The following CDK19 variants were observed in gnomAD, a reference collection of about 807,000 sequenced individuals.
The protein encoded by CDK19 is cyclin dependent kinase 19.
Under a neutral mutation model 68.3 loss-of-function variants are expected in CDK19, and 20 were observed. That is an observed-to-expected ratio of 0.29 (90% CI 0.21 to 0.43). CDK19 has a LOEUF of 0.43. Among genes scored for constraint, CDK19 ranks in the 20% least tolerant of loss-of-function variants. The pLI is 1.00. For missense variants in CDK19, 339 were observed against 623.5 expected, an observed-to-expected ratio of 0.54 and a Z score of 4.86; for synonymous variants, 221 against 222.8, an observed-to-expected ratio of 0.99 and a Z score of 0.07.
chr6:110,814,683 G>A (rs940148030), intron 1 of CDK19: 4 of 543,552 alleles, frequency 7.4e-6, no homozygotes, highest in African/African-American at 3.8e-5. Context: ...GTTCCCCCAA[G>A]AGACTAGACC....
intron 2 of CDK19, among the ~76,000 whole-genome samples, chr6:110,742,338 C>T (rs555732935): frequency 1.3e-5 from 2 of 152,126 alleles, no homozygotes; most frequent in Non-Finnish European, 2.9e-5. Context: ...CTCTTAATCC[C>T]GTTATCTTCG....
intron 1 of CDK19, among the ~76,000 whole-genome samples, chr6:110,747,608 T>C (rs1430128504): frequency 6.6e-6 from 1 of 152,154 alleles, no homozygotes; most frequent in Non-Finnish European, 1.5e-5. Context: ...ATATAGGAAG[T>C]TATGTCAACT....
intron 2 of CDK19, among the ~76,000 whole-genome samples, chr6:110,686,986 C>T (rs1339879412): frequency 6.6e-6 from 1 of 152,100 alleles, no homozygotes; most frequent in Non-Finnish European, 1.5e-5. Context: ...ATTGCTTGAG[C>T]CCAGGCATTC....
At chr6:110,684,729 T>G (rs1772311143) in intron 2 of CDK19, among the ~76,000 whole-genome samples, 1 of 152,196 alleles carries the variant, frequency 6.6e-6, no homozygotes, top group Non-Finnish European at 1.5e-5. Flanking sequence ...AATATCCCAC[T>G]GTAACTCAAA....
intron 4 of CDK19, among the ~76,000 whole-genome samples, chr6:110,656,405 T>C (rs544676642): frequency 3.9e-5 from 6 of 152,360 alleles, no homozygotes; most frequent in Admixed American, 3.3e-4. Context: ...ATTAGTGTCA[T>C]AACTTTAGGT....
In CDK19 at chr6:110,796,758, C is replaced by T. The variant is rs551724286; in HGVS notation, c.128+18251G>A. Reference sequence around the variant, plus strand: ...GCACGGTGACTCACGCCTGTAATCCCAGCACTTTGGGAGGCCAAGGTGGAT... The same window carrying T: ...GCACGGTGACTCACGCCTGTAATCCTAGCACTTTGGGAGGCCAAGGTGGAT... On this transcript the variant is annotated intron_variant, in intron 1 of 12. Transcript: ENST00000368911. Among the ~76,000 whole-genome samples the T allele has an allele frequency of 2.6e-5, 4 of 151,364 alleles. No homozygotes were observed. The East Asian group carries it at 7.8e-4, about 30-fold the overall frequency.
chr6:110,623,929 ATATATATATATGTG>A (rs1778923344), intron 8 of CDK19, among the ~76,000 whole-genome samples: 4 of 142,678 alleles, frequency 2.8e-5, no homozygotes, highest in Admixed American at 6.9e-5. Flanking sequence ...ATATACGTGT[ATATATATATATGTG>A]TGTATATATA....
intron 2 of CDK19, among the ~76,000 whole-genome samples, chr6:110,743,709 T>G (rs777680206): frequency 4.6e-5 from 7 of 152,094 alleles, no homozygotes; most frequent in Admixed American, 2.6e-4. Context: ...ACATTCCAAA[T>G]TTATATAAAG....
chr6:110,810,394 T>C (rs1782995098), intron 1 of CDK19, among the ~76,000 whole-genome samples: 1 of 152,160 alleles, frequency 6.6e-6, no homozygotes, highest in Non-Finnish European at 1.5e-5. Context: ...GATCTTGGAC[T>C]ATAGTGAGAG....
intron 1 of CDK19, among the ~76,000 whole-genome samples, chr6:110,771,581 C>T (rs1780017510): frequency 1.3e-5 from 2 of 152,192 alleles, no homozygotes; most frequent in Non-Finnish European, 2.9e-5. Flanking sequence ...ACACTTTCCC[C>T]ATTGTCTTGG....
intron 2 of CDK19, among the ~76,000 whole-genome samples, chr6:110,714,659 C>G (rs983280414): frequency 6.6e-5 from 10 of 150,554 alleles, no homozygotes; most frequent in Admixed American, 2.0e-4. Context: ...TAATTAATGA[C>G]GTTGAGCATC....
intron 1 of CDK19, among the ~76,000 whole-genome samples, chr6:110,806,612 A>G (rs71562248): frequency 6.6e-6 from 1 of 152,218 alleles, no homozygotes; most frequent in Non-Finnish European, 1.5e-5. Context: ...ACAATGAGAT[A>G]CAACAAAACT....
intron 1 of CDK19, among the ~76,000 whole-genome samples, chr6:110,780,289 C>CT (rs1780710848): frequency 6.7e-6 from 1 of 149,884 alleles, no homozygotes. Flanking sequence ...GCTCGGGAGA[C>CT]TGAGGCAGAA....
Position 110,815,232 on chromosome 6 carries a change from A to C in CDK19, c.-96T>G, listed in dbSNP as rs563841200. 217 of 1,120,542 alleles carry C rather than the reference A, an allele frequency of 1.9e-4. No homozygotes were observed. The highest frequency in any genetic ancestry group is 6.2e-4 in the East Asian group (15 of 24,250). The allele number at this position is 1,120,542 out of a possible 1,614,324, so 69.4% of individuals were successfully genotyped here. A position where few individuals can be genotyped will look rare whatever the true frequency, so the allele number is the denominator to read the frequency against. The stretch of plus-strand genomic sequence containing the variant: ...GCGACCGCCGCTCCACTTCTCCAAC[A>C]GCCGCCTCTCGCGCGCGCGCGCGCG... On this transcript the variant is annotated 5_prime_UTR_variant, in exon 1 of 13. Transcript: ENST00000368911.
At chr6:110,724,071 G>T (rs1294971261) in intron 2 of CDK19, among the ~76,000 whole-genome samples, 1 of 151,808 alleles carries the variant, frequency 6.6e-6, no homozygotes, top group Non-Finnish European at 1.5e-5. Flanking sequence ...AGCCATTATA[G>T]GGCCAGGCAC....
Position 110,815,085 on chromosome 6 carries a change from C to T in CDK19, c.52G>A (p.Asp18Asn), listed in dbSNP as rs764169323. The change falls in exon 1 of 13, where the codon GAT becomes AAT. Residue 18 changes from aspartate (D) to asparagine (N), a missense_variant. Around this residue, in one of 4 missense-constraint regions of CDK19, gnomAD observed 120 missense variants for 224.0 expected, o/e 0.54. Transcript: ENST00000368911. ...TTGCACCCTTCGTACTCAAACAAATCCTCCACCCGCTCCCGCTCCGCCGCC... is the reference window on the plus strand; with the variant it reads ...TTGCACCCTTCGTACTCAAACAAATTCTCCACCCGCTCCCGCTCCGCCGCC... ...KLAAERERVE[D>N]LFEYEGCKVG... The T allele has an allele frequency of 6.2e-7, 1 of 1,603,818 alleles. No individual in the cohort carries two copies. Among genetic ancestry groups the T allele is most frequent in the Non-Finnish European group, 8.5e-7 (1 of 1,176,100 alleles).
chr6:110,746,127 G>T lies in CDK19; in HGVS notation c.203C>A (p.Ala68Glu). The T allele has an allele frequency of 6.4e-7, 1 of 1,552,308 alleles. No individual in the cohort carries two copies. Among genetic ancestry groups the T allele is most frequent in the Non-Finnish European group, 8.8e-7 (1 of 1,139,968 alleles). Reference protein sequence around the residue: ...GISMSACREIALLRELKHPNV... With the variant: ...GISMSACREIELLRELKHPNV... ...ATAACTGTATTTGTATCCACTTACT[G>T]CAATCTCTCTACAAGCCGACATGGA... The change falls in exon 2 of 13, where the codon GCA (alanine) becomes GAA (glutamate). Residue 68 changes from alanine to glutamate, a missense_variant and splice_region_variant. Ala to Glu is a moderately radical substitution (Grantham distance 107, BLOSUM62 -1). Transcript: ENST00000368911.
intron 1 of CDK19, among the ~76,000 whole-genome samples, chr6:110,765,463 G>A (rs1272724085): frequency 2.0e-5 from 3 of 151,934 alleles, no homozygotes; most frequent in Non-Finnish European, 4.4e-5. Flanking sequence ...TGGATCACGA[G>A]GTCAGGAGAT....
chr6:110,725,379 C>G (rs536786731), intron 2 of CDK19, among the ~76,000 whole-genome samples: 16 of 152,072 alleles, frequency 1.1e-4, no homozygotes, highest in Admixed American at 5.2e-4. Flanking sequence ...AATATCTTCC[C>G]TAAACCCTCT....
Sources: allele counts gnomAD v4.1 joint callset (sites outside exome capture counted in the v4.1 genomes callset), GRCh38; gene constraint gnomAD v4.1.1; regional missense constraint gnomAD v4.1.1; transcripts MANE v1.5; gene names NCBI Gene and HGNC (gene_info 2026-07-23, HGNC 2026-07-21).